The following YBX3 variants were observed in gnomAD, a reference collection of about 807,000 sequenced individuals.
The protein encoded by YBX3 is Y-box binding protein 3.
A neutral mutation model predicts 42.4 loss-of-function variants in YBX3; 29 were observed. That is an observed-to-expected ratio of 0.68 (90% CI 0.51 to 0.93). The LOEUF (loss-of-function observed/expected upper bound fraction) is 0.93, where lower values mean the gene tolerates loss of function less well. Among genes scored for constraint, YBX3 ranks in the 40% least tolerant of loss-of-function variants. The probability of loss-of-function intolerance (pLI) is 0.00; values close to 1 mark genes in which losing one functional copy is unlikely to be tolerated. For synonymous variants in YBX3, 195 were observed against 189.8 expected (o/e 1.03, Z -0.22); for missense variants, 517 against 527.5 (o/e 0.98, Z 0.19).
chr12:10,722,800 G>A (rs1178032817), intron 1 of YBX3, 50 bp downstream of exon 1: 3 of 1,367,026 alleles, frequency 2.2e-6, no homozygotes, highest in South Asian at 3.8e-5. Context: ...TCCGCGGCCG[G>A]CTGGGCCCGC....
chr12:10,705,532 C>G (rs1161396427), intron 6 of YBX3, among the ~76,000 whole-genome samples: 1 of 152,200 alleles, frequency 6.6e-6, no homozygotes, highest in Non-Finnish European at 1.5e-5. Flanking sequence ...ACACTGCATT[C>G]TCCTCACTGC....
At chr12:10,711,686 GACTTAGATATT>G (rs1484525786) in intron 5 of YBX3, 1 of 152,108 alleles carries the variant, frequency 6.6e-6, no homozygotes, top group Non-Finnish European at 1.5e-5. Flanking sequence ...AAGTTGTTGG[GACTTAGATATT>G]ACAACAAAAA....
At chr12:10,719,168 T>C (rs1264700606) in intron 1 of YBX3, 25 bp from the exon 2 acceptor site, 1 of 1,596,458 alleles carries the variant, frequency 6.3e-7, no homozygotes, top group Admixed American at 1.7e-5. Context: ...AGCAGATAAA[T>C]TAGTATCTGA....
intron 7 of YBX3, chr12:10,703,849 G>A (rs1035526193): frequency 1.6e-5 from 8 of 507,344 alleles, no homozygotes; most frequent in African/African-American, 3.9e-5. Flanking sequence ...ACAAAATGAC[G>A]CTTTGGCGCA....
chr12:10,710,189 A>G (rs1178388675), intron 5 of YBX3, 75 bp from the exon 6 acceptor site: 7 of 1,549,886 alleles, frequency 4.5e-6, no homozygotes, highest in African/African-American at 4.1e-5. Context: ...TTTAGGATGA[A>G]TATCACCAAA....
chr12:10,701,105 A>C, intron 9 of YBX3, 149 bp downstream of exon 9: 1 of 546,420 alleles, frequency 1.8e-6, no homozygotes, highest in Non-Finnish European at 3.3e-6. Context: ...TTAACCACCA[A>C]ATCACTTTTT....
chr12:10,717,768 G>T (rs1948278806), intron 3 of YBX3: 1 of 192,532 alleles, frequency 5.2e-6, no homozygotes, highest in African/African-American at 2.3e-5. Flanking sequence ...CACATCAGGA[G>T]AACAGGATGC....
intron 5 of YBX3, chr12:10,710,754 T>C (rs1481182179): frequency 9.1e-6 from 4 of 441,360 alleles, no homozygotes; most frequent in South Asian, 5.0e-5. Context: ...GATGTGAGAA[T>C]CCAGCTATCT....
intron 1 of YBX3, chr12:10,720,932 A>T (rs1239659990): frequency 6.6e-6 from 1 of 152,168 alleles, no homozygotes; most frequent in African/African-American, 2.4e-5. Flanking sequence ...CTTCATATAC[A>T]CTAAGGGGAA....
chr12:10,715,620 G>C, intron 4 of YBX3, 74 bp downstream of exon 4: 1 of 1,304,224 alleles, frequency 7.7e-7, no homozygotes, highest in East Asian at 2.3e-5. Context: ...AATTCATAAG[G>C]GGCTGATAGA....
intron 3 of YBX3, among the ~76,000 whole-genome samples, chr12:10,716,936 C>A (rs1199069433): frequency 6.6e-6 from 1 of 152,184 alleles, no homozygotes; most frequent in Admixed American, 6.5e-5. Context: ...CATATACTCA[C>A]AGGCTAATAA....
chr12:10,703,551 T>G (rs755916720), intron 7 of YBX3: 1 of 439,532 alleles, frequency 2.3e-6, no homozygotes, highest in Non-Finnish European at 4.5e-6. Flanking sequence ...GAATATCTCT[T>G]TGTTTTCAGA....
chr12:10,723,246 C>T lies in YBX3; in HGVS notation c.-135G>A, dbSNP rs945251783. ...ATCTCGCGGCGCAGGCGGCGGCGGC[C>T]GAGGTGGGGTCGCGCGGCGGAGGCG... On this transcript the variant is annotated 5_prime_UTR_variant, in exon 1 of 10. Coordinates refer to ENST00000228251, the MANE Select transcript of YBX3 (RefSeq NM_003651.5). 4.3e-6 allele frequency: 5 copies of T among 1,161,052 alleles called. No individual in the cohort carries two copies. Among genetic ancestry groups the T allele is most frequent in the South Asian group, 4.2e-5 (1 of 23,644 alleles). The allele number at this position is 1,161,052 out of a possible 1,614,324, so 71.9% of individuals were successfully genotyped here. A position where few individuals can be genotyped will look rare whatever the true frequency, so the allele number is the denominator to read the frequency against.
chr12:10,700,617 A>T (rs1408112689), intron 9 of YBX3, among the ~76,000 whole-genome samples: 1 of 152,176 alleles, frequency 6.6e-6, no homozygotes, highest in Non-Finnish European at 1.5e-5. Flanking sequence ...TCTTTACCAT[A>T]CCCTATTGTA....
intron 1 of YBX3, among the ~76,000 whole-genome samples, chr12:10,720,579 G>GT (rs1203811280): frequency 6.6e-6 from 1 of 152,124 alleles, no homozygotes; most frequent in Non-Finnish European, 1.5e-5. Flanking sequence ...GTAGAGGCCT[G>GT]TTTTTGATAC....
chr12:10,723,206 G>A lies in YBX3; in HGVS notation c.-95C>T, dbSNP rs920909886. ...TCGCGGCGGCCGGGGCTCGCTCTCG[G>A]GGAGGCCGGGGCGGATCTCGCGGCG... On this transcript the variant is annotated 5_prime_UTR_variant, in exon 1 of 10. Transcript: ENST00000228251. 1.3e-5 allele frequency: 15 copies of A among 1,174,268 alleles called. No homozygotes were observed. The highest frequency in any genetic ancestry group is 9.2e-5 in the Admixed American group (2 of 21,660). 72.7% of individuals were successfully genotyped at this position (1,174,268 alleles called of 1,614,324 possible).
At chr12:10,716,763 T>C (rs1225714477) in intron 3 of YBX3, among the ~76,000 whole-genome samples, 2 of 152,044 alleles carry the variant, frequency 1.3e-5, no homozygotes, top group African/African-American at 4.8e-5. Context: ...ACCTCACCCA[T>C]AGAGGAAAAA....
chr12:10,713,248 C>G lies in YBX3; in HGVS notation c.536G>C (p.Arg179Pro). The G allele has an allele frequency of 6.2e-7, 1 of 1,614,054 alleles. No individual in the cohort carries two copies. The highest frequency in any genetic ancestry group is 8.5e-7 in the Non-Finnish European group (1 of 1,180,020). ...GCCACGGCGCCTTCCATAGTAGCCA[C>G]GTCTGTAACGGCGCCGATCTGCAGC... ...RYAADRRRYR[R>P]GYYGRRRGPP... The change falls in exon 5 of 10, where the codon CGT becomes CCT. Residue 179 changes from arginine to proline, a missense_variant. Transcript: ENST00000228251.
intron 6 of YBX3, 50 bp downstream of exon 6, chr12:10,709,858 A>C: frequency 6.2e-7 from 1 of 1,603,558 alleles, no homozygotes; most frequent in Non-Finnish European, 8.5e-7. Flanking sequence ...GAGGCAGAGA[A>C]GGACGGAAGG....
Sources: gnomAD v4.1 joint callset for allele counts (sites outside exome capture counted in the v4.1 genomes callset) on GRCh38, gnomAD v4.1.1 for gene constraint, MANE v1.5 for transcripts, NCBI Gene and HGNC (gene_info 2026-07-23, HGNC 2026-07-21) for gene names.